Variants in MDM1 observed in about 807,000 individuals in gnomAD.
The protein encoded by MDM1 is Mdm1 nuclear protein.
A neutral mutation model predicts 89.1 loss-of-function variants in MDM1; 61 were observed. The observed-to-expected ratio is 0.68, with a 90% CI of 0.56 to 0.85. The LOEUF is 0.85. MDM1 is among the 40% of genes least tolerant of loss of function. MDM1 has a pLI of 0.00. For missense variants in MDM1, 820 were observed against 846.5 expected (o/e 0.97, Z 0.39); for synonymous variants, 290 against 294.1 (o/e 0.99, Z 0.14).
intron 13 of MDM1, among the ~76,000 whole-genome samples, chr12:68,297,732 C>T (rs992128748): frequency 6.6e-6 from 1 of 152,040 alleles, no homozygotes; most frequent in Non-Finnish European, 1.5e-5. Context: ...CAACTGTGGG[C>T]AGGGGTAATG....
chr12:68,295,425 T>C (rs1486114138), intron 14 of MDM1, 59 bp from the exon 15 acceptor site: 2 of 1,064,694 alleles, frequency 1.9e-6, no homozygotes, highest in East Asian at 2.6e-5. Context: ...TAAATAAACA[T>C]TGTGTTTTAT....
At position 68,295,401 on chromosome 12, in the gene MDM1, C is replaced by T. The variant is rs376832758; in HGVS notation, c.2063-35G>A. ...AAAAATCCCGAGATTATATTCATTGCCAAAAATATCTATTAAATAAACATT... is the reference window on the plus strand; with the variant it reads ...AAAAATCCCGAGATTATATTCATTGTCAAAAATATCTATTAAATAAACATT... On this transcript the variant is annotated intron_variant, in intron 14 of 14. Transcript: ENST00000682720. 251 of 1,241,558 alleles carry T rather than the reference C, an allele frequency of 2.0e-4. 2 individuals are homozygous for T. The South Asian group carries it at 2.9e-3, about 14-fold the overall frequency. The allele number at this position is 1,241,558 out of a possible 1,614,324, so 76.9% of individuals were successfully genotyped here. A position where few individuals can be genotyped will look rare whatever the true frequency, so the allele number is the denominator to read the frequency against.
intron 10 of MDM1, among the ~76,000 whole-genome samples, chr12:68,314,502 C>A (rs1164905616): frequency 6.6e-6 from 1 of 152,132 alleles, no homozygotes; most frequent in Non-Finnish European, 1.5e-5. Context: ...TGGAGAAGAG[C>A]CACTCCCCAA....
rs989508418 is a variant in MDM1 at position 68,313,784 on chromosome 12, C to T, written c.1530-31G>A. 8.2e-6 allele frequency: 12 copies of T among 1,471,348 alleles called. No homozygotes were observed. The Admixed American group carries it at 1.6e-4, about 19-fold the overall frequency. The allele number at this position is 1,471,348 out of a possible 1,614,324, so 91.1% of individuals were successfully genotyped here. A position where few individuals can be genotyped will look rare whatever the true frequency, so the allele number is the denominator to read the frequency against. Reference sequence around the variant, plus strand: ...AATTGAAACAATCTATGAATCTATACAGCATTTCCTCGAGAAAATATGATA... The same window carrying T: ...AATTGAAACAATCTATGAATCTATATAGCATTTCCTCGAGAAAATATGATA... On this transcript the variant is annotated intron_variant, in intron 10 of 14. Coordinates refer to ENST00000682720, the MANE Select transcript of MDM1 (RefSeq NM_001354969.2).
At chr12:68,327,913 C>A (rs1489588762) in intron 2 of MDM1, among the ~76,000 whole-genome samples, 1 of 152,166 alleles carries the variant, frequency 6.6e-6, no homozygotes, top group African/African-American at 2.4e-5. Context: ...CAGAAGTGGG[C>A]AGCTTAAGGG....
chr12:68,330,874 C>T, intron 2 of MDM1: 1 of 494,436 alleles, frequency 2.0e-6, no homozygotes, highest in Non-Finnish European at 3.6e-6. Context: ...GTGATGGAGG[C>T]CTCCATTAGT....
chr12:68,303,580 CTAAGAAA>C (rs1872510989), intron 12 of MDM1, among the ~76,000 whole-genome samples: 1 of 151,910 alleles, frequency 6.6e-6, no homozygotes, highest in South Asian at 2.1e-4. Context: ...TCAAAACAGA[CTAAGAAA>C]TAACAATAGA....
intron 2 of MDM1, among the ~76,000 whole-genome samples, chr12:68,329,276 G>A (rs1876448079): frequency 6.6e-6 from 1 of 152,174 alleles, no homozygotes; most frequent in African/African-American, 2.4e-5. Flanking sequence ...AGATCATGAT[G>A]CTTCAGAGGA....
At chr12:68,309,760 CT>C (rs548766325) in intron 12 of MDM1, among the ~76,000 whole-genome samples, 107 of 152,248 alleles carry the variant, frequency 7.0e-4, no homozygotes, top group African/African-American at 2.3e-3. Flanking sequence ...CTTATCAATG[CT>C]TTTATAAGAG....
At chr12:68,315,286 T>C (rs1184017885) in intron 9 of MDM1, 21 bp from the exon 10 acceptor site, 1 of 1,590,762 alleles carries the variant, frequency 6.3e-7, no homozygotes, top group African/African-American at 1.4e-5. Flanking sequence ...AAATCAATTT[T>C]ATTTTAAATG....
At chr12:68,304,201 AGG>A (rs1258192489) in intron 12 of MDM1, among the ~76,000 whole-genome samples, 1 of 152,214 alleles carries the variant, frequency 6.6e-6, no homozygotes, top group East Asian at 1.9e-4. Flanking sequence ...ACTTTAGGCC[AGG>A]AGTTTGACCA....
rs765142097 is a variant in MDM1 at position 68,316,234 on chromosome 12, T to G, written c.1055A>C (p.Lys352Thr). Reference sequence around the variant, plus strand: ...AACTCGCTTCCTATAAAACTCAGCCTTTTCTCGGAGTTCTTTAACCTATTC... The same window carrying G: ...AACTCGCTTCCTATAAAACTCAGCCGTTTCTCGGAGTTCTTTAACCTATTC... ...WYAEVKELRE[K>T]AEFYRKRVQG... Residue 352 changes from lysine to threonine, a missense_variant, in exon 9 of 15, where the codon AAG becomes ACG. Transcript: ENST00000682720. 3.1e-6 allele frequency: 5 copies of G among 1,613,394 alleles called. No individual in the cohort carries two copies. Among genetic ancestry groups the G allele is most frequent in the Middle Eastern group, 3.3e-4 (2 of 6,026 alleles).
intron 13 of MDM1, among the ~76,000 whole-genome samples, chr12:68,301,028 T>C (rs900419046): frequency 1.3e-5 from 2 of 152,088 alleles, no homozygotes; most frequent in Admixed American, 6.5e-5. Context: ...TACAAATACA[T>C]AGAAATTAAA....
At chr12:68,298,909 G>A (rs956692201) in intron 13 of MDM1, among the ~76,000 whole-genome samples, 1 of 152,038 alleles carries the variant, frequency 6.6e-6, no homozygotes, top group Non-Finnish European at 1.5e-5. Flanking sequence ...AGCTTCAAGA[G>A]ACCTCTGCCA....
In MDM1 at chr12:68,331,281, AC is replaced by A. The variant is rs1201947457; in HGVS notation, c.19-61del. ...ATTAATGAATGATGTTTTAAAGCAG[AC>A]ATCGGTGAAAAATAATTTCTGAACC... On this transcript the variant is annotated intron_variant, in intron 1 of 14. Transcript: ENST00000682720. 3 of 961,134 alleles carry A rather than the reference AC, an allele frequency of 3.1e-6. No homozygotes were observed. In the African/African-American group the frequency reaches 4.9e-5, roughly 16 times the overall value. The allele number at this position is 961,134 out of a possible 1,614,324, so 59.5% of individuals were successfully genotyped here. A position where few individuals can be genotyped will look rare whatever the true frequency, so the allele number is the denominator to read the frequency against.
chr12:68,324,308 T>C (rs1228915352), intron 4 of MDM1, among the ~76,000 whole-genome samples: 1 of 152,050 alleles, frequency 6.6e-6, no homozygotes, highest in Non-Finnish European at 1.5e-5. Flanking sequence ...ACTGAATAAT[T>C]ACAATTTTCA....
intron 12 of MDM1, among the ~76,000 whole-genome samples, chr12:68,312,608 A>G (rs571454206): frequency 1.6e-4 from 24 of 152,334 alleles, no homozygotes; most frequent in African/African-American, 5.3e-4. Flanking sequence ...GCAGCCAGAA[A>G]GACCTTGGAA....
Position 68,325,504 on chromosome 12 carries a change from T to C in MDM1, c.570A>G (p.Glu190=). The part of the protein sequence containing the change: ...VPSYNALRNS[E]YQRQFVWKTS... ...TCTTCCAAACAAACTGCCTTTGATA[T>C]TCAGAATTTCTCAAGGCATTATATG... is the stretch of plus-strand genomic sequence containing the variant. The change falls in exon 4 of 15, where the codon GAA becomes GAG. Residue 190 remains glutamate, a synonymous_variant. Transcript: ENST00000682720. 1 of 1,600,202 alleles carries C rather than the reference T, an allele frequency of 6.2e-7. No individual in the cohort carries two copies. The highest frequency in any genetic ancestry group is 1.1e-5 in the South Asian group (1 of 87,156).
intron 12 of MDM1, among the ~76,000 whole-genome samples, chr12:68,307,226 T>C (rs548492568): frequency 3.9e-5 from 6 of 152,334 alleles, no homozygotes; most frequent in African/African-American, 1.4e-4. Flanking sequence ...GTTGAAAACC[T>C]ACCTATTGGG....
Sources: gnomAD v4.1 joint callset for allele counts (sites outside exome capture counted in the v4.1 genomes callset) on GRCh38, gnomAD v4.1.1 for gene constraint, MANE v1.5 for transcripts, NCBI Gene and HGNC (gene_info 2026-07-23, HGNC 2026-07-21) for gene names.